The following XPR1 variants were observed in gnomAD, a reference collection of about 807,000 sequenced individuals.
XPR1 encodes the protein xenotropic and polytropic retrovirus receptor 1, also known as solute carrier family 53 member 1.
A neutral mutation model predicts 87.5 loss-of-function variants in XPR1; 28 were observed. The ratio of observed to expected loss-of-function variants is 0.32; its 90% CI spans 0.24 to 0.44. The LOEUF is 0.44. Among genes scored for constraint, XPR1 ranks in the 20% least tolerant of loss-of-function variants. The pLI, the probability that XPR1 is intolerant of heterozygous loss-of-function variation, is 1.00. For synonymous variants in XPR1, 300 were observed against 306.1 expected (o/e 0.98, Z 0.21); for missense variants, 559 against 862.3 (o/e 0.65, Z 4.41).
chr1:180,764,155 G>A (rs1164174119), intron 2 of XPR1, among the ~76,000 whole-genome samples: 1 of 152,178 alleles, frequency 6.6e-6, no homozygotes, highest in Non-Finnish European at 1.5e-5. Context: ...ATTTACATGG[G>A]TGGCTGAGCT....
chr1:180,675,114 A>G (rs894030375), intron 1 of XPR1, among the ~76,000 whole-genome samples: 4 of 152,200 alleles, frequency 2.6e-5, no homozygotes, highest in Admixed American at 2.0e-4. Flanking sequence ...GACATGTCTT[A>G]ATCAATTTAG....
chr1:180,820,263 A>G (rs1650578941), intron 7 of XPR1, among the ~76,000 whole-genome samples: 2 of 152,106 alleles, frequency 1.3e-5, no homozygotes, highest in Admixed American at 6.6e-5. Context: ...CATCAGCCCA[A>G]AAGGAAACCC....
chr1:180,866,222 A>C (rs1652385697), intron 12 of XPR1, among the ~76,000 whole-genome samples: 2 of 139,874 alleles, frequency 1.4e-5, no homozygotes, highest in South Asian at 2.1e-4. Flanking sequence ...AAAAAAAAAA[A>C]CAAAAACAAA....
intron 2 of XPR1, among the ~76,000 whole-genome samples, chr1:180,732,424 C>CA (rs771239152): frequency 5.3e-5 from 8 of 152,124 alleles, no homozygotes; most frequent in Non-Finnish European, 1.2e-4. Context: ...ATAATATTCT[C>CA]ATAATTTTAA....
At chr1:180,736,958 A>G (rs977523144) in intron 2 of XPR1, among the ~76,000 whole-genome samples, 5 of 152,204 alleles carry the variant, frequency 3.3e-5, no homozygotes, top group Admixed American at 2.6e-4. Flanking sequence ...AAGCAGCCGC[A>G]AGATGGTGGA....
At chr1:180,715,141 A>T (rs1657944041) in intron 2 of XPR1, among the ~76,000 whole-genome samples, 1 of 152,226 alleles carries the variant, frequency 6.6e-6, no homozygotes, top group Admixed American at 6.5e-5. Flanking sequence ...ACTACTAAGT[A>T]TATGGTTGTT....
intron 2 of XPR1, among the ~76,000 whole-genome samples, chr1:180,786,791 A>G (rs1649157273): frequency 6.6e-6 from 1 of 152,192 alleles, no homozygotes; most frequent in Non-Finnish European, 1.5e-5. Flanking sequence ...CCAGCTTGTC[A>G]GAATCCCAAC....
At chr1:180,669,253 C>T (rs528852582) in intron 1 of XPR1, among the ~76,000 whole-genome samples, 2 of 152,080 alleles carry the variant, frequency 1.3e-5, no homozygotes, top group Admixed American at 1.3e-4. Context: ...TATTATTGGT[C>T]GAGAGATATT....
At chr1:180,647,007 G>A in intron 1 of XPR1, among the ~76,000 whole-genome samples, 1 of 152,222 alleles carries the variant, frequency 6.6e-6, no homozygotes, top group Non-Finnish European at 1.5e-5. Flanking sequence ...AAACCACTCT[G>A]CTAATGTTAA....
At chr1:180,778,401 G>A (rs1648803912) in intron 2 of XPR1, among the ~76,000 whole-genome samples, 1 of 152,128 alleles carries the variant, frequency 6.6e-6, no homozygotes, top group Non-Finnish European at 1.5e-5. Flanking sequence ...CAATGTATTA[G>A]TTCCACTTCT....
At chr1:180,785,011 T>TTG (rs1186269708) in intron 2 of XPR1, among the ~76,000 whole-genome samples, 11,526 of 136,232 alleles carry the variant, frequency 0.085, 607 homozygotes, top group East Asian at 0.25. Context: ...GTGTGTGTGT[T>TTG]TGTGTGTGTG....
At chr1:180,881,734 G>A (rs1053935060) in intron 14 of XPR1, among the ~76,000 whole-genome samples, 1 of 152,192 alleles carries the variant, frequency 6.6e-6, no homozygotes, top group Admixed American at 6.5e-5. Flanking sequence ...GAGGAGTAGA[G>A]TAGAACCTGC....
At chr1:180,777,441 A>G (rs1247270698) in intron 2 of XPR1, among the ~76,000 whole-genome samples, 1 of 152,142 alleles carries the variant, frequency 6.6e-6, no homozygotes, top group Admixed American at 6.5e-5. Flanking sequence ...TTTTCCTCAG[A>G]TAGACTGTAG....
At chr1:180,874,732 A>G (rs1182263830) in intron 13 of XPR1, among the ~76,000 whole-genome samples, 1 of 152,144 alleles carries the variant, frequency 6.6e-6, no homozygotes, top group Non-Finnish European at 1.5e-5. Flanking sequence ...AAATCAGACA[A>G]GATAATCCAA....
At chr1:180,840,371 A>T (rs1302975272) in intron 11 of XPR1, among the ~76,000 whole-genome samples, 1 of 152,032 alleles carries the variant, frequency 6.6e-6, no homozygotes, top group Non-Finnish European at 1.5e-5. Flanking sequence ...GGGAGGGCAG[A>T]TATATTTCCC....
At position 180,656,430 on chromosome 1, in the gene XPR1, T is replaced by TA. The variant is rs1196138446; in HGVS notation, c.69+24161dup. 1.3e-4 allele frequency among the ~76,000 whole-genome samples: 6 copies of TA among 47,352 alleles called. 1 individual carries two copies. The highest frequency in any genetic ancestry group is 4.9e-4 in the African/African-American group (6 of 12,290). The allele number at this position is 47,352 out of a possible 152,430, so 31.1% of individuals were successfully genotyped here. On this transcript the variant is annotated intron_variant, in intron 1 of 14. Transcript: ENST00000367590. ...TTATATATTTATATATAAATATTTATATATTTATATATAAATATTTATATA... is the reference window on the plus strand; with the variant it reads ...TTATATATTTATATATAAATATTTATAATATTTATATATAAATATTTATATA...
Position 180,884,104 on chromosome 1 carries a change from A to C in XPR1, c.*38A>C. On this transcript the variant is annotated 3_prime_UTR_variant, in exon 15 of 15. Coordinates refer to ENST00000367590, the MANE Select transcript of XPR1 (RefSeq NM_004736.4). ...CTAGCTTAACATCTTTGGTTTTCCTACTCTACAATCCTTTCCTCGACCAAC... is the reference window on the plus strand; with the variant it reads ...CTAGCTTAACATCTTTGGTTTTCCTCCTCTACAATCCTTTCCTCGACCAAC... 6.2e-7 allele frequency: 1 copy of C among 1,602,018 alleles called. No individual in the cohort carries two copies.
chr1:180,698,101 A>G (rs1300690931), intron 2 of XPR1, among the ~76,000 whole-genome samples: 1 of 152,088 alleles, frequency 6.6e-6, no homozygotes, highest in Non-Finnish European at 1.5e-5. Context: ...TTTGCCTTAA[A>G]TATCTGGGTG....
intron 7 of XPR1, among the ~76,000 whole-genome samples, chr1:180,819,637 G>T (rs1212834171): frequency 8.5e-5 from 13 of 152,140 alleles, no homozygotes; most frequent in Admixed American, 2.0e-4. Context: ...TTTCTTTTAT[G>T]TATGGCCACA....
Sources: gnomAD v4.1 joint callset for allele counts (sites outside exome capture counted in the v4.1 genomes callset) on GRCh38, gnomAD v4.1.1 for gene constraint, MANE v1.5 for transcripts, NCBI Gene and HGNC (gene_info 2026-07-23, HGNC 2026-07-21) for gene names.